The following TTC29 variants were observed in gnomAD, a reference collection of about 807,000 sequenced individuals.
TTC29 encodes tetratricopeptide repeat protein 29.
TTC29 carries 49 observed loss-of-function variants against 58.1 expected under a neutral mutation model. The ratio of observed to expected loss-of-function variants is 0.84; its 90% CI spans 0.67 to 1.07. The LOEUF (loss-of-function observed/expected upper bound fraction) is 1.07. Ranked by LOEUF, TTC29 falls within the 50% of genes least tolerant of loss-of-function variation. The probability of loss-of-function intolerance (pLI) is 0.00; values close to 1 mark genes in which losing one functional copy is unlikely to be tolerated. For missense variants in TTC29, 582 were observed against 555.6 expected (o/e 1.05, Z -0.48); for synonymous variants, 209 against 196.8 (o/e 1.06, Z -0.52).
intron 11 of TTC29, among the ~76,000 whole-genome samples, chr4:146,763,449 C>T (rs1242421032): frequency 6.6e-6 from 1 of 152,058 alleles, no homozygotes; most frequent in African/African-American, 2.4e-5. Context: ...GGCCTCCCAG[C>T]TCTACCAGAA....
At position 146,941,581 on chromosome 4, in the gene TTC29, GATGCTCACCA is replaced by G. The variant is rs1257774148; in HGVS notation, c.-6-1690_-6-1681del. Among the ~76,000 whole-genome samples, 76 of 152,302 alleles carry G rather than the reference GATGCTCACCA, an allele frequency of 5.0e-4. 1 individual carries two copies. Among genetic ancestry groups the G allele is most frequent in the Non-Finnish European group, 9.1e-4 (62 of 68,020 alleles). ...AAAGCAGAGCACTAGAAACTACCCA[GATGCTCACCA>G]ATGGCAAAGGGATGAGTAAAAGCAG... is the stretch of plus-strand genomic sequence containing the variant. On this transcript the variant is annotated intron_variant, in intron 2 of 12. Transcript: ENST00000325106.
At chr4:146,860,345 A>G (rs1222834801) in intron 8 of TTC29, among the ~76,000 whole-genome samples, 1 of 152,144 alleles carries the variant, frequency 6.6e-6, no homozygotes. Context: ...ACTTTAGTGA[A>G]ACACTAAGGA....
intron 6 of TTC29, among the ~76,000 whole-genome samples, chr4:146,877,057 G>A (rs10434197): frequency 0.061 from 9,250 of 151,576 alleles, 386 homozygotes; most frequent in Admixed American, 0.13. Context: ...CTGCAGACTT[G>A]TTTATAAATT....
At chr4:146,922,209 C>T (rs528166548) in intron 4 of TTC29, among the ~76,000 whole-genome samples, 3 of 150,890 alleles carry the variant, frequency 2.0e-5, no homozygotes, top group Middle Eastern at 3.4e-3. Context: ...TTCTAAAAAA[C>T]AGGAGCAACT....
chr4:146,913,162 G>A (rs1734004260), intron 4 of TTC29, among the ~76,000 whole-genome samples: 1 of 152,176 alleles, frequency 6.6e-6, no homozygotes, highest in South Asian at 2.1e-4. Context: ...CTTTGTATGT[G>A]TATGCACTGG....
At chr4:146,808,531 C>A (rs1049618326) in intron 10 of TTC29, among the ~76,000 whole-genome samples, 1 of 152,222 alleles carries the variant, frequency 6.6e-6, no homozygotes, top group Admixed American at 6.5e-5. Context: ...TGAGAAGCAA[C>A]TTCAGCAAAG....
intron 11 of TTC29, among the ~76,000 whole-genome samples, chr4:146,766,870 T>C (rs1357926778): frequency 2.0e-5 from 3 of 152,088 alleles, no homozygotes; most frequent in Admixed American, 6.6e-5. Flanking sequence ...GCAATTGATA[T>C]TATTAGAGAT....
chr4:146,923,897 T>C (rs1309890213), intron 4 of TTC29, among the ~76,000 whole-genome samples: 2 of 151,798 alleles, frequency 1.3e-5, no homozygotes, highest in Admixed American at 6.6e-5. Flanking sequence ...AAAAGATTAG[T>C]GGCATTAATA....
intron 11 of TTC29, among the ~76,000 whole-genome samples, chr4:146,783,182 A>C (rs1250651142): frequency 1.3e-5 from 2 of 152,060 alleles, no homozygotes; most frequent in Admixed American, 1.3e-4. Context: ...GGAATGGCTA[A>C]GTCAAGCTAG....
At chr4:146,720,081 T>C (rs1430328500) in intron 11 of TTC29, among the ~76,000 whole-genome samples, 1 of 152,128 alleles carries the variant, frequency 6.6e-6, no homozygotes, top group Non-Finnish European at 1.5e-5. Flanking sequence ...AGAAGACTTT[T>C]CTTTATCACT....
At chr4:146,772,151 C>A (rs768105887) in intron 11 of TTC29, among the ~76,000 whole-genome samples, 13 of 152,034 alleles carry the variant, frequency 8.6e-5, no homozygotes, top group Non-Finnish European at 1.8e-4. Flanking sequence ...GGATATTAGA[C>A]CTTTGTTGGA....
At chr4:146,735,358 T>C (rs1487934304) in intron 11 of TTC29, among the ~76,000 whole-genome samples, 1 of 152,148 alleles carries the variant, frequency 6.6e-6, no homozygotes, top group Non-Finnish European at 1.5e-5. Flanking sequence ...TGAGGAACCT[T>C]TACTAAAATG....
At chr4:146,864,120 AACTGTCT>A (rs910969249) in intron 8 of TTC29, among the ~76,000 whole-genome samples, 1 of 152,106 alleles carries the variant, frequency 6.6e-6, no homozygotes, top group Non-Finnish European at 1.5e-5. Context: ...CCTCATATTT[AACTGTCT>A]ACTTGAACTC....
intron 11 of TTC29, among the ~76,000 whole-genome samples, chr4:146,753,204 AG>A (rs1746155646): frequency 6.6e-6 from 1 of 151,356 alleles, no homozygotes; most frequent in Non-Finnish European, 1.5e-5. Flanking sequence ...CAAATTTACA[AG>A]AAAAAAACAA....
intron 11 of TTC29, among the ~76,000 whole-genome samples, chr4:146,779,849 C>T (rs1337694914): frequency 6.6e-6 from 1 of 152,142 alleles, no homozygotes; most frequent in Non-Finnish European, 1.5e-5. Flanking sequence ...TTTCATATAG[C>T]TTGGACCCAC....
At chr4:146,711,268 A>G (rs966993964) in intron 11 of TTC29, among the ~76,000 whole-genome samples, 10 of 152,146 alleles carry the variant, frequency 6.6e-5, no homozygotes, top group African/African-American at 2.2e-4. Context: ...ATAAGCAGCA[A>G]ACACAGAGAG....
At chr4:146,875,719 T>C (rs1454599839) in intron 6 of TTC29, among the ~76,000 whole-genome samples, 2 of 152,214 alleles carry the variant, frequency 1.3e-5, no homozygotes, top group East Asian at 3.8e-4. Context: ...ATGAGGTTTT[T>C]GTATATGCTG....
At chr4:146,808,682 T>C (rs956068267) in intron 10 of TTC29, among the ~76,000 whole-genome samples, 1 of 152,130 alleles carries the variant, frequency 6.6e-6, no homozygotes, top group Non-Finnish European at 1.5e-5. Flanking sequence ...CTTACAGGGA[T>C]GTGAAGGACC....
At chr4:146,800,338 C>T (rs939898037) in intron 11 of TTC29, among the ~76,000 whole-genome samples, 15 of 152,190 alleles carry the variant, frequency 9.9e-5, no homozygotes, top group African/African-American at 3.4e-4. Context: ...ATTGCCTGCT[C>T]TCTGAGCTAA....
Sources: allele counts gnomAD v4.1 joint callset (sites outside exome capture counted in the v4.1 genomes callset), GRCh38; gene constraint gnomAD v4.1.1; transcripts MANE v1.5; gene names NCBI Gene and HGNC (gene_info 2026-07-23, HGNC 2026-07-21).